The following VOPP1 variants were observed in gnomAD, a reference collection of about 807,000 sequenced individuals.
The protein encoded by VOPP1 is VOPP1 WW domain binding protein.
VOPP1 carries 8 observed loss-of-function variants against 23.5 expected under a neutral mutation model. That is an observed-to-expected ratio of 0.34 (90% confidence interval 0.20 to 0.61). The LOEUF is 0.61. VOPP1 is among the 20% of genes least tolerant of loss of function. The pLI, the probability that VOPP1 is intolerant of heterozygous loss-of-function variation, is 0.78. For synonymous variants in VOPP1, 83 were observed against 97.3 expected (o/e 0.85, Z 0.86); for missense variants, 174 against 238.1 (o/e 0.73, Z 1.77).
intron 4 of VOPP1, among the ~76,000 whole-genome samples, chr7:55,488,828 C>A (rs951537594): frequency 1.3e-5 from 2 of 152,260 alleles, no homozygotes; most frequent in African/African-American, 4.8e-5. Context: ...AACACCCACC[C>A]TGCTTTGTGC....
chr7:55,520,999 G>T, intron 2 of VOPP1, 73 bp downstream of exon 2: 1 of 1,502,390 alleles, frequency 6.7e-7, no homozygotes. Flanking sequence ...CCCACACCCA[G>T]AACTTTAGCA....
intron 4 of VOPP1, among the ~76,000 whole-genome samples, chr7:55,437,897 ATT>A (rs11400741): frequency 1.4e-5 from 2 of 142,890 alleles, no homozygotes. Flanking sequence ...TCCTGTTTGT[ATT>A]TTTTTTTTTT....
Position 55,472,861 on chromosome 7 carries a change from G to A in VOPP1, c.513C>T (p.Ala171=), listed in dbSNP as rs1192824382. 2 of 1,290,086 alleles carry A rather than the reference G, an allele frequency of 1.6e-6. No homozygotes were observed. The highest frequency in any genetic ancestry group is 2.0e-6 in the Non-Finnish European group (2 of 975,862). The allele number at this position is 1,290,086 out of a possible 1,614,324, so 79.9% of individuals were successfully genotyped here. A position where few individuals can be genotyped will look rare whatever the true frequency, so the allele number is the denominator to read the frequency against. ...PPPPYEQVVK[A]K Reference sequence around the variant, plus strand: ...CTTGCACGTGGGCACCCCACTACTTGGCCTTCACTACCTGTTCGTACGGGG... The same window carrying A: ...CTTGCACGTGGGCACCCCACTACTTAGCCTTCACTACCTGTTCGTACGGGG... The change falls in exon 5 of 5, where the codon GCC becomes GCT. Residue 171 remains alanine (A), a synonymous_variant. Coordinates refer to ENST00000285279, the MANE Select transcript of VOPP1 (RefSeq NM_030796.5).
intron 2 of VOPP1, among the ~76,000 whole-genome samples, chr7:55,500,730 A>G (rs1240685141): frequency 6.6e-6 from 1 of 152,230 alleles, no homozygotes; most frequent in Non-Finnish European, 1.5e-5. Context: ...AATTTTCAAA[A>G]CATCCACATA....
intron 4 of VOPP1, among the ~76,000 whole-genome samples, chr7:55,436,527 CAA>C (rs988214890): frequency 6.6e-6 from 1 of 152,034 alleles, no homozygotes; most frequent in African/African-American, 2.4e-5. Flanking sequence ...TGTCCTACTT[CAA>C]AGTCTCATGC....
intron 4 of VOPP1, among the ~76,000 whole-genome samples, chr7:55,440,857 AC>A (rs1790946837): frequency 6.6e-6 from 1 of 152,156 alleles, no homozygotes; most frequent in African/African-American, 2.4e-5. Flanking sequence ...TACTGAGTAT[AC>A]GCCGCTGGCA....
chr7:55,442,651 C>T (rs201003236), intron 4 of VOPP1, among the ~76,000 whole-genome samples: 1 of 93,270 alleles, frequency 1.1e-5, no homozygotes, highest in Non-Finnish European at 2.4e-5. Context: ...TTGAAGTAGA[C>T]CAAAAAAAAA....
chr7:55,496,819 A>C (rs925885813), intron 3 of VOPP1, among the ~76,000 whole-genome samples: 1 of 152,232 alleles, frequency 6.6e-6, no homozygotes, highest in Non-Finnish European at 1.5e-5. Context: ...CATCATAAAA[A>C]AGCTTGCATC....
At chr7:55,498,806 G>A (rs190374487) in intron 2 of VOPP1, among the ~76,000 whole-genome samples, 42 of 152,276 alleles carry the variant, frequency 2.8e-4, no homozygotes, top group Non-Finnish European at 7.4e-5. Context: ...TAGTTAAGAT[G>A]CAAAGTGAGA....
chr7:55,521,750 A>G, intron 1 of VOPP1: 1 of 986,734 alleles, frequency 1.0e-6, no homozygotes, highest in Non-Finnish European at 1.2e-6. Context: ...AGGGCAGGGC[A>G]GGGCAGGGTG....
At chr7:55,561,653 T>A (rs1236156661) in intron 1 of VOPP1, among the ~76,000 whole-genome samples, 1 of 133,844 alleles carries the variant, frequency 7.5e-6, no homozygotes, top group African/African-American at 2.9e-5. Context: ...GCCAAGATCA[T>A]GCCACTGCAC....
At chr7:55,475,612 C>A (rs1040358495) in intron 4 of VOPP1, among the ~76,000 whole-genome samples, 1 of 152,116 alleles carries the variant, frequency 6.6e-6, no homozygotes, top group African/African-American at 2.4e-5. Context: ...CAGCCAGGAG[C>A]AAGGGGACTC....
intron 1 of VOPP1, among the ~76,000 whole-genome samples, chr7:55,527,421 G>C (rs1264704560): frequency 1.3e-5 from 2 of 152,176 alleles, no homozygotes; most frequent in East Asian, 1.9e-4. Flanking sequence ...AACCACACCT[G>C]AAATTCACAC....
intron 4 of VOPP1, among the ~76,000 whole-genome samples, chr7:55,443,701 A>G (rs1791026015): frequency 1.3e-5 from 2 of 148,982 alleles, no homozygotes; most frequent in African/African-American, 2.5e-5. Context: ...CTGGAGTGCA[A>G]TGACACAATC....
chr7:55,492,214 TAC>T (rs1255359523), intron 4 of VOPP1, 66 bp downstream of exon 4: 8 of 1,536,302 alleles, frequency 5.2e-6, no homozygotes, highest in Non-Finnish European at 6.2e-6. Context: ...TCTGCAGCAG[TAC>T]CCTTTATAAA....
chr7:55,570,951 GAAAT>G (rs1364781199), intron 1 of VOPP1, among the ~76,000 whole-genome samples: 5 of 151,982 alleles, frequency 3.3e-5, no homozygotes, highest in Admixed American at 2.6e-4. Flanking sequence ...CAAAACTAAA[GAAAT>G]AAATAAATAA....
chr7:55,436,460 T>C (rs1445314312), intron 4 of VOPP1, among the ~76,000 whole-genome samples: 1 of 152,164 alleles, frequency 6.6e-6, no homozygotes, highest in African/African-American at 2.4e-5. Flanking sequence ...GTGCCGGTGA[T>C]TGGCTTTCAT....
chr7:55,441,324 C>T (rs964898696), intron 4 of VOPP1, among the ~76,000 whole-genome samples: 1 of 152,220 alleles, frequency 6.6e-6, no homozygotes, highest in East Asian at 1.9e-4. Context: ...CGATTTACCT[C>T]CCCCAACTTG....
intron 1 of VOPP1, among the ~76,000 whole-genome samples, chr7:55,558,742 G>C (rs1797889798): frequency 6.6e-6 from 1 of 152,172 alleles, no homozygotes; most frequent in African/African-American, 2.4e-5. Flanking sequence ...AAAAGACAGA[G>C]TAAAAACTTC....
Sources: allele counts gnomAD v4.1 joint callset (sites outside exome capture counted in the v4.1 genomes callset), GRCh38; gene constraint gnomAD v4.1.1; transcripts MANE v1.5; gene names NCBI Gene and HGNC (gene_info 2026-07-23, HGNC 2026-07-21).